Variants in WDR70 observed in about 807,000 individuals in gnomAD.
WDR70 encodes WD repeat-containing protein 70.
WDR70 carries 53 observed loss-of-function variants against 88.6 expected under a neutral mutation model. That is an observed-to-expected ratio of 0.60 (90% confidence interval 0.48 to 0.75). The LOEUF (loss-of-function observed/expected upper bound fraction) is 0.75. Among genes scored for constraint, WDR70 ranks in the 30% least tolerant of loss-of-function variants. WDR70 has a pLI of 0.00. For missense variants in WDR70, 610 were observed against 823.2 expected (o/e 0.74, Z 3.17); for synonymous variants, 280 against 270.0 (o/e 1.04, Z -0.36).
At chr5:37,657,496 C>T (rs1561054556) in intron 10 of WDR70, among the ~76,000 whole-genome samples, 1 of 152,156 alleles carries the variant, frequency 6.6e-6, no homozygotes. Flanking sequence ...AAAGAGTGAA[C>T]TTGCTACTTA....
intron 10 of WDR70, among the ~76,000 whole-genome samples, chr5:37,614,876 G>A (rs184231766): frequency 3.3e-5 from 5 of 152,092 alleles, no homozygotes; most frequent in African/African-American, 1.2e-4. Flanking sequence ...GCAAGTCAGA[G>A]GAGAGAGAGA....
chr5:37,565,896 C>A (rs1456875006), intron 9 of WDR70, among the ~76,000 whole-genome samples: 1 of 152,040 alleles, frequency 6.6e-6, no homozygotes, highest in Non-Finnish European at 1.5e-5. Flanking sequence ...TCAGTACTTA[C>A]TTGCTTTTTA....
rs1743320505 is a variant in WDR70, at chr5:37,584,856, C to G, written c.918-20208C>G. Reference sequence around the variant, plus strand: ...TTGGTCCTATGCTGACCACCATAATCTCTTTCCTCTGTTCCCAAATATCCC... The same window carrying G: ...TTGGTCCTATGCTGACCACCATAATGTCTTTCCTCTGTTCCCAAATATCCC... On this transcript the variant is annotated intron_variant, in intron 9 of 17. Transcript: ENST00000265107. Among the ~76,000 whole-genome samples, 3 of 151,594 alleles carry G rather than the reference C, an allele frequency of 2.0e-5. No individual in the cohort carries two copies. The South Asian group carries it at 6.3e-4, about 32-fold the overall frequency.
intron 3 of WDR70, among the ~76,000 whole-genome samples, chr5:37,383,751 G>C (rs953681481): frequency 9.9e-5 from 15 of 151,394 alleles, no homozygotes; most frequent in African/African-American, 3.6e-4. Context: ...GGCTAATTTT[G>C]TTTTTGTGTT....
At chr5:37,398,174 C>T (rs1181970852) in intron 5 of WDR70, among the ~76,000 whole-genome samples, 6 of 148,364 alleles carry the variant, frequency 4.0e-5, no homozygotes, top group East Asian at 2.0e-4. Flanking sequence ...CTGCAAGCTT[C>T]GCCTCCCGGG....
rs2112156732 is a variant in WDR70, at chr5:37,479,859, A to G, written c.712A>G (p.Ser238Gly). 3 of 1,614,120 alleles carry G rather than the reference A, an allele frequency of 1.9e-6. No homozygotes were observed. The highest frequency in any genetic ancestry group is 1.3e-5 in the African/African-American group (1 of 75,054). The change falls in exon 8 of 18, where the codon AGT (serine) becomes GGT (glycine). Residue 238 changes from serine (S) to glycine (G), a missense_variant. By Grantham distance (56) the Ser-to-Gly change is moderately conservative. This residue lies in a region of WDR70 where 83 missense variants were observed against 155.3 expected (regional missense o/e 0.53). Transcript: ENST00000265107. The part of the protein sequence containing the change: ...ECHQIKSLQY[S>G]NTGDMILVVS... ...CCATCAGATCAAGTCATTACAGTAT[A>G]GTAACACAGGAGACATGATTCTTGT...
intron 5 of WDR70, among the ~76,000 whole-genome samples, chr5:37,410,207 TTTTTTTTC>T: frequency 6.7e-6 from 1 of 149,704 alleles, no homozygotes; most frequent in Non-Finnish European, 1.5e-5. Flanking sequence ...TTTTTTTTTT[TTTTTTTTC>T]TTTTTTAGAG....
intron 5 of WDR70, among the ~76,000 whole-genome samples, chr5:37,410,160 C>T (rs1002090822): frequency 1.3e-5 from 2 of 148,860 alleles, no homozygotes; most frequent in African/African-American, 2.5e-5. Context: ...GGACTACAGG[C>T]GAATGTGAGT....
chr5:37,392,272 C>T, intron 4 of WDR70, 152 bp downstream of exon 4: 5 of 899,302 alleles, frequency 5.6e-6, no homozygotes, highest in Non-Finnish European at 8.0e-6. Context: ...TAACCTCCAT[C>T]TCCTGGGTTC....
At chr5:37,495,919 C>G (rs1044016031) in intron 8 of WDR70, among the ~76,000 whole-genome samples, 2 of 152,324 alleles carry the variant, frequency 1.3e-5, no homozygotes, top group Admixed American at 1.3e-4. Flanking sequence ...AAACAACATT[C>G]ACAGTCTTGT....
intron 10 of WDR70, among the ~76,000 whole-genome samples, chr5:37,695,016 AAG>A (rs1361198047): frequency 1.3e-5 from 2 of 152,114 alleles, no homozygotes; most frequent in African/African-American, 2.4e-5. Context: ...CTATAAAGAA[AAG>A]AGGTTTATTT....
intron 5 of WDR70, among the ~76,000 whole-genome samples, chr5:37,411,479 A>G (rs1321204009): frequency 6.6e-6 from 1 of 152,054 alleles, no homozygotes; most frequent in Non-Finnish European, 1.5e-5. Context: ...TAATTCCAAC[A>G]CTTTGGGAGG....
chr5:37,564,969 A>G (rs1018258935), intron 9 of WDR70, among the ~76,000 whole-genome samples: 1 of 152,190 alleles, frequency 6.6e-6, no homozygotes, highest in African/African-American at 2.4e-5. Flanking sequence ...ATTTTTACGC[A>G]TAAACATTTG....
At chr5:37,516,952 C>T (rs895929311) in intron 9 of WDR70, among the ~76,000 whole-genome samples, 1 of 151,810 alleles carries the variant, frequency 6.6e-6, no homozygotes, top group African/African-American at 2.4e-5. Flanking sequence ...AAACTCCTGA[C>T]CTCAAATGAT....
intron 10 of WDR70, among the ~76,000 whole-genome samples, chr5:37,688,162 C>G (rs185962264): frequency 3.3e-5 from 5 of 151,966 alleles, no homozygotes; most frequent in Non-Finnish European, 7.4e-5. Flanking sequence ...TATGCATTTG[C>G]CTGTTTTGCC....
chr5:37,561,589 C>T (rs976480068), intron 9 of WDR70, among the ~76,000 whole-genome samples: 2 of 152,202 alleles, frequency 1.3e-5, no homozygotes, highest in African/African-American at 4.8e-5. Flanking sequence ...GCTTTGTTGG[C>T]ATGGTGCTAA....
intron 5 of WDR70, among the ~76,000 whole-genome samples, chr5:37,423,582 T>A (rs1210315167): frequency 1.4e-5 from 2 of 147,418 alleles, no homozygotes; most frequent in African/African-American, 2.5e-5. Flanking sequence ...TTTTTTTTTT[T>A]AGATGGTGTC....
intron 9 of WDR70, among the ~76,000 whole-genome samples, chr5:37,596,852 C>T (rs1743714220): frequency 6.6e-6 from 1 of 152,124 alleles, no homozygotes; most frequent in African/African-American, 2.4e-5. Context: ...TGTGATGCCT[C>T]TTTATAGAAA....
At position 37,605,246 on chromosome 5, in the gene WDR70, A is replaced by C. The variant is rs1744003532; in HGVS notation, c.1092+8A>C. 1 of 1,587,574 alleles carries C rather than the reference A, an allele frequency of 6.3e-7. No homozygotes were observed. Among genetic ancestry groups the C allele is most frequent in the Non-Finnish European group, 8.6e-7 (1 of 1,166,772 alleles). On this transcript the variant is annotated splice_region_variant and intron_variant, in intron 10 of 17. Transcript: ENST00000265107. Reference sequence around the variant, plus strand: ...TGGGACCGAAATTTGACTGTAAGTTAAATCTTTTCTTAGAACATGGCCACC... The same window carrying C: ...TGGGACCGAAATTTGACTGTAAGTTCAATCTTTTCTTAGAACATGGCCACC...
Sources: allele counts gnomAD v4.1 joint callset (sites outside exome capture counted in the v4.1 genomes callset), GRCh38; gene constraint gnomAD v4.1.1; regional missense constraint gnomAD v4.1.1; transcripts MANE v1.5; gene names NCBI Gene and HGNC (gene_info 2026-07-23, HGNC 2026-07-21).